SERTAD4: variants seen among roughly 807,000 people sequenced by gnomAD.
SERTAD4 encodes SERTA domain containing 4.
Under a neutral mutation model 32.9 loss-of-function variants are expected in SERTAD4, and 18 were observed. That is an observed-to-expected ratio of 0.55 (90% confidence interval 0.38 to 0.81). The LOEUF is 0.81. Among genes scored for constraint, SERTAD4 ranks in the 30% least tolerant of loss-of-function variants. The probability of loss-of-function intolerance (pLI) is 0.00; values close to 1 mark genes in which losing one functional copy is unlikely to be tolerated. For synonymous variants in SERTAD4, 150 were observed against 156.4 expected, an observed-to-expected ratio of 0.96 and a Z score of 0.30; for missense variants, 383 against 426.0, an observed-to-expected ratio of 0.90 and a Z score of 0.89.
At position 210,242,887 on chromosome 1, in the gene SERTAD4, G is replaced by A. The variant is rs866462715; in HGVS notation, c.*550G>A. The A allele has an allele frequency of 2.0e-6, 2 of 985,926 alleles. No individual in the cohort carries two copies. Among genetic ancestry groups the A allele is most frequent in the African/African-American group, 3.5e-5 (2 of 57,204 alleles). The allele number at this position is 985,926 out of a possible 1,614,324, so 61.1% of individuals were successfully genotyped here. A position where few individuals can be genotyped will look rare whatever the true frequency, so the allele number is the denominator to read the frequency against. On this transcript the variant is annotated 3_prime_UTR_variant, in exon 4 of 4. Transcript: ENST00000367012. The surrounding 1 kb of genome is among the most constrained non-coding windows in gnomAD (Gnocchi z 4.0). ...AGATGAAAATAGGATGTAACATAATGAAACACACCTGTCTAGGGGCGGCAA... is the reference window on the plus strand; with the variant it reads ...AGATGAAAATAGGATGTAACATAATAAAACACACCTGTCTAGGGGCGGCAA...
chr1:210,240,234 T>G (rs754343835), intron 3 of SERTAD4, among the ~76,000 whole-genome samples: 19 of 152,100 alleles, frequency 1.2e-4, no homozygotes, highest in Non-Finnish European at 2.5e-4. Context: ...AATCTGGGCA[T>G]CTAAGCTTTT....
At chr1:210,234,843 A>G (rs2083925362) in intron 1 of SERTAD4, among the ~76,000 whole-genome samples, 1 of 152,180 alleles carries the variant, frequency 6.6e-6, no homozygotes, top group Admixed American at 6.5e-5. Flanking sequence ...TAGCATCATA[A>G]TTGCTTCTAG....
In SERTAD4 at chr1:210,245,113, G is replaced by GT. The variant is rs2084035791; in HGVS notation, c.*2780dup. The GT allele has an allele frequency of 6.6e-6, 1 of 152,164 alleles. No homozygotes were observed. The highest frequency in any genetic ancestry group is 2.1e-4 in the South Asian group (1 of 4,832). 9.4% of individuals were successfully genotyped at this position (152,164 alleles called of 1,614,324 possible). On this transcript the variant is annotated 3_prime_UTR_variant, in exon 4 of 4. Transcript: ENST00000367012. ...TTATATCTCTTAACTGGATTCTATA[G>GT]TTTTATCTCGAGCAACTTGGAAAAG...
In SERTAD4 at chr1:210,239,582, C is replaced by T. The variant is rs891829792; in HGVS notation, c.265C>T (p.Pro89Ser). The change falls in exon 3 of 4, where the codon CCA becomes TCA. Residue 89 changes from proline to serine, a missense_variant. This residue lies in a region of SERTAD4 where 107 missense variants were observed against 158.8 expected (regional missense o/e 0.67). Transcript: ENST00000367012. ...GTATGTGGAAGAAGAGGATTTTCAC[C>T]CACCACTCAGCAGCTGTAGCCATAA... Reference protein sequence around the residue: ...RKYVEEEDFHPPLSSCSHKTI... With the variant: ...RKYVEEEDFHSPLSSCSHKTI... 6.2e-7 allele frequency: 1 copy of T among 1,600,752 alleles called. No homozygotes were observed. Among genetic ancestry groups the T allele is most frequent in the Non-Finnish European group, 8.5e-7 (1 of 1,170,566 alleles).
In SERTAD4 at chr1:210,238,067, G is replaced by T. The variant is rs775815689; in HGVS notation, c.107G>T (p.Gly36Val). The change falls in exon 2 of 4, where the codon GGC becomes GTC. Residue 36 changes from glycine (G) to valine (V), a missense_variant. Transcript: ENST00000367012. ...CTATGGGAGGCTGACAGCTACGGAG[G>T]CCCAAGCCCCCCAGGGCCAGCACAA... ...QTLWEADSYG[G>V]PSPPGPAQAP... 1.9e-6 allele frequency: 3 copies of T among 1,613,714 alleles called. No homozygotes were observed. The East Asian group carries it at 6.7e-5, about 36-fold the overall frequency.
chr1:210,239,372 C>T (rs1252284571), intron 2 of SERTAD4, 121 bp from the exon 3 acceptor site: 2 of 686,670 alleles, frequency 2.9e-6, no homozygotes, highest in South Asian at 1.7e-5. Flanking sequence ...TTTTAATCAC[C>T]ACATGTACAG....
Position 210,243,093 on chromosome 1 carries a change from C to CCA in SERTAD4, c.*756_*757insCA. On this transcript the variant is annotated 3_prime_UTR_variant, in exon 4 of 4. Coordinates refer to ENST00000367012, the MANE Select transcript of SERTAD4 (RefSeq NM_019605.5). Reference sequence around the variant, plus strand: ...TACAGCAGGGATTTAACAAACAGGACAAAAAAAAAAAAAAAAAAAAAACCA... The same window carrying CCA: ...TACAGCAGGGATTTAACAAACAGGACCAAAAAAAAAAAAAAAAAAAAAAACCA... 1 of 483,554 alleles carries CCA rather than the reference C, an allele frequency of 2.1e-6. No individual in the cohort carries two copies. Among genetic ancestry groups the CCA allele is most frequent in the Non-Finnish European group, 2.4e-6 (1 of 412,958 alleles). The allele number at this position is 483,554 out of a possible 1,614,324, so 30.0% of individuals were successfully genotyped here. A position where few individuals can be genotyped will look rare whatever the true frequency, so the allele number is the denominator to read the frequency against.
Position 210,232,913 on chromosome 1 carries a change from G to T in SERTAD4, c.-116G>T, listed in dbSNP as rs1003208039. 6.7e-6 allele frequency: 1 copy of T among 149,118 alleles called. No homozygotes were observed. Among genetic ancestry groups the T allele is most frequent in the Admixed American group, 6.7e-5 (1 of 15,024 alleles). The allele number at this position is 149,118 out of a possible 1,614,324, so 9.2% of individuals were successfully genotyped here. On this transcript the variant is annotated 5_prime_UTR_variant, in exon 1 of 4. Coordinates refer to ENST00000367012, the MANE Select transcript of SERTAD4 (RefSeq NM_019605.5). ...ACCGCCGAGCGGGCGGCCGGGCCGG[G>T]ACCCGCGAGTGTGCACCGGCGGCCG... is the stretch of plus-strand genomic sequence containing the variant.
intron 1 of SERTAD4, among the ~76,000 whole-genome samples, chr1:210,236,760 C>T (rs2147845339): frequency 6.6e-6 from 1 of 152,316 alleles, no homozygotes; most frequent in African/African-American, 2.4e-5. Flanking sequence ...CTTGAAACCA[C>T]AGAATGAGAT....
At chr1:210,240,333 T>C (rs535360497) in intron 3 of SERTAD4, among the ~76,000 whole-genome samples, 2 of 152,344 alleles carry the variant, frequency 1.3e-5, no homozygotes, top group South Asian at 2.1e-4. Context: ...CAGACCATAG[T>C]TGTCTGAAAT....
In SERTAD4 at chr1:210,238,124, C is replaced by T. The variant is rs761961542; in HGVS notation, c.164C>T (p.Pro55Leu). Residue 55 changes from proline (P) to leucine (L), a missense_variant, in exon 2 of 4, where the codon CCC (proline) becomes CTC (leucine). By Grantham distance (98) the Pro-to-Leu change is moderately conservative. Around this residue, in one of 3 missense-constraint regions of SERTAD4, gnomAD observed 96 missense variants for 76.6 expected, o/e 1.25. Coordinates refer to ENST00000367012, the MANE Select transcript of SERTAD4 (RefSeq NM_019605.5). Reference protein sequence around the residue: ...APLQGDRGAGPPLAGSHYRGI... With the variant: ...APLQGDRGAGLPLAGSHYRGI... The stretch of plus-strand genomic sequence containing the variant: ...TTGCAGGGAGACCGGGGAGCTGGTC[C>T]CCCACTGGCAGGTATTGCCCTTGAC... 24 of 1,605,702 alleles carry T rather than the reference C, an allele frequency of 1.5e-5. No individual in the cohort carries two copies. The East Asian group carries it at 5.4e-4, about 36-fold the overall frequency.
At position 210,243,141 on chromosome 1, in the gene SERTAD4, G is replaced by C; in HGVS notation, c.*804G>C. 1 of 975,522 alleles carries C rather than the reference G, an allele frequency of 1.0e-6. No individual in the cohort carries two copies. Among genetic ancestry groups the C allele is most frequent in the Non-Finnish European group, 1.2e-6 (1 of 823,094 alleles). 60.4% of individuals were successfully genotyped at this position (975,522 alleles called of 1,614,324 possible). On this transcript the variant is annotated 3_prime_UTR_variant, in exon 4 of 4. Transcript: ENST00000367012. ...CCACAGGGTGGATCAATATGGTTTG[G>C]AAACTGTTAACTTTGAACTATTGTG...
rs746883486 is a variant in SERTAD4 at position 210,238,111 on chromosome 1, C to T, written c.151C>T (p.Arg51Trp). 24 of 1,609,330 alleles carry T rather than the reference C, an allele frequency of 1.5e-5. No individual in the cohort carries two copies. The highest frequency in any genetic ancestry group is 5.5e-5 in the South Asian group (5 of 90,438). Residue 51 changes from arginine to tryptophan, a missense_variant, in exon 2 of 4, where the codon CGG becomes TGG. Around this residue, in one of 3 missense-constraint regions of SERTAD4, gnomAD observed 96 missense variants for 76.6 expected, o/e 1.25. Coordinates refer to ENST00000367012, the MANE Select transcript of SERTAD4 (RefSeq NM_019605.5). ...GPAQAPLQGD[R>W]GAGPPLAGSH... is the part of the protein sequence containing the mutation. ...AGCACAAGCTCCTTTGCAGGGAGAC[C>T]GGGGAGCTGGTCCCCCACTGGCAGG...
chr1:210,233,641 G>T (rs766556116), intron 1 of SERTAD4: 2 of 468,396 alleles, frequency 4.3e-6, no homozygotes, highest in Non-Finnish European at 8.8e-6. Context: ...TCACCTCCTC[G>T]GCGGGCTGAG....
intron 1 of SERTAD4, chr1:210,237,601 C>G (rs2083953701): frequency 5.0e-6 from 1 of 199,270 alleles, no homozygotes; most frequent in African/African-American, 2.4e-5. Context: ...GTTTTGGCTT[C>G]TTAGCAGTAC....
At chr1:210,238,196 G>A in intron 2 of SERTAD4, 61 bp downstream of exon 2, 1 of 1,024,582 alleles carries the variant, frequency 9.8e-7, no homozygotes, top group Non-Finnish European at 1.5e-6. Context: ...AGCCAGCCTG[G>A]TGGACAGGAG....
Position 210,240,044 on chromosome 1 carries a change from A to T in SERTAD4, c.291+436A>T, listed in dbSNP as rs191085346. Among the ~76,000 whole-genome samples, 4 of 152,198 alleles carry T rather than the reference A, an allele frequency of 2.6e-5. No homozygotes were observed. In the East Asian group the frequency reaches 7.7e-4, roughly 29 times the overall value. On this transcript the variant is annotated intron_variant, in intron 3 of 3. Transcript: ENST00000367012. The stretch of plus-strand genomic sequence containing the variant: ...TACACAGGGCTTTTCCTGACCTCTT[A>T]TGGGTAGACTCATCATCCTTGAATG...
chr1:210,242,258 C>T lies in SERTAD4; in HGVS notation c.992C>T (p.Ser331Phe), dbSNP rs757348393. ...AATGAAAGAAACAATGTAAATGAAT[C>T]TTGGAAAAAGTCCTTACGGAAAAAG... ...GYNERNNVNE[S>F]WKKSLRKKEA... The change falls in exon 4 of 4, where the codon TCT (serine) becomes TTT (phenylalanine). Residue 331 changes from serine (S) to phenylalanine (F), a missense_variant. This residue lies in a region of SERTAD4 where 180 missense variants were observed against 190.6 expected (regional missense o/e 0.94). Transcript: ENST00000367012. The surrounding 1 kb of genome is among the most constrained non-coding windows in gnomAD (Gnocchi z 4.0). 26 of 1,612,242 alleles carry T rather than the reference C, an allele frequency of 1.6e-5. No individual in the cohort carries two copies. Among genetic ancestry groups the T allele is most frequent in the Non-Finnish European group, 1.8e-5 (21 of 1,179,580 alleles).
In SERTAD4 at chr1:210,239,521, T is replaced by C; in HGVS notation, c.204T>C (p.Pro68=). ...AGSHYRGISN[P]ITTSKITYFK... is the part of the protein sequence containing the mutation. The stretch of plus-strand genomic sequence containing the variant: ...CACATTACAGGGGAATTTCAAATCC[T>C]ATAACAACATCCAAGATCACATACT... The change falls in exon 3 of 4, where the codon CCT becomes CCC. Residue 68 remains proline (P), a synonymous_variant. Transcript: ENST00000367012. 6.2e-7 allele frequency: 1 copy of C among 1,607,410 alleles called. No homozygotes were observed. The highest frequency in any genetic ancestry group is 8.5e-7 in the Non-Finnish European group (1 of 1,175,776).
Sources: gnomAD v4.1 joint callset for allele counts (sites outside exome capture counted in the v4.1 genomes callset) on GRCh38, gnomAD v4.1.1 for gene constraint, gnomAD v4.1.1 regional missense constraint, Gnocchi (gnomAD v3.1) non-coding constraint, MANE v1.5 for transcripts, NCBI Gene and HGNC (gene_info 2026-07-23, HGNC 2026-07-21) for gene names.